KLHL23: variants seen among roughly 807,000 people sequenced by gnomAD.
KLHL23 encodes kelch like family member 23.
In KLHL23, 33 loss-of-function variants were observed where a neutral mutation model predicts 48.9. That is an observed-to-expected ratio of 0.67 (90% CI 0.51 to 0.90). The LOEUF is 0.90. KLHL23 is among the 40% of genes least tolerant of loss of function. KLHL23 has a pLI of 0.00. For missense variants in KLHL23, 608 were observed against 669.6 expected (o/e 0.91, Z 1.02); for synonymous variants, 234 against 231.6 (o/e 1.01, Z -0.09).
chr2:169,747,917 G>T lies in KLHL23; in HGVS notation c.1367-1505G>T, dbSNP rs909028977. Among the ~76,000 whole-genome samples the T allele has an allele frequency of 2.0e-5, 3 of 152,054 alleles. No individual in the cohort carries two copies. In the South Asian group the frequency reaches 6.2e-4, roughly 32 times the overall value. ...GCAGAGGAGGATCTCTTGAGGCCAG[G>T]AGTTGTAGACCAGCCTGGGCAACAA... On this transcript the variant is annotated intron_variant, in intron 3 of 3. Transcript: ENST00000392647.
In KLHL23 at chr2:169,733,956, G is replaced by C. The variant is rs1688446523; in HGVS notation, c.-134G>C. Reference sequence around the variant, plus strand: ...CGGGACACCAAAATAGGAGCTGCTTGTGGGGTGGAGCGGCACTAGCTGGCG... The same window carrying C: ...CGGGACACCAAAATAGGAGCTGCTTCTGGGGTGGAGCGGCACTAGCTGGCG... On this transcript the variant is annotated 5_prime_UTR_variant, in exon 1 of 4. Coordinates refer to ENST00000392647, the MANE Select transcript of KLHL23 (RefSeq NM_144711.6). The C allele has an allele frequency of 6.6e-6, 1 of 152,146 alleles. No homozygotes were observed. The highest frequency in any genetic ancestry group is 2.4e-5 in the African/African-American group (1 of 41,422). The allele number at this position is 152,146 out of a possible 1,614,324, so 9.4% of individuals were successfully genotyped here.
intron 3 of KLHL23, among the ~76,000 whole-genome samples, chr2:169,747,062 A>T (rs1237411834): frequency 6.6e-6 from 1 of 152,156 alleles, no homozygotes; most frequent in Non-Finnish European, 1.5e-5. Flanking sequence ...GCAAAAATGC[A>T]ATCTTCTAAG....
Position 169,733,897 on chromosome 2 carries a change from C to A in KLHL23, c.-193C>A, listed in dbSNP as rs901936571. The A allele has an allele frequency of 6.6e-6, 1 of 152,052 alleles. No individual in the cohort carries two copies. Among genetic ancestry groups the A allele is most frequent in the Non-Finnish European group, 1.5e-5 (1 of 68,062 alleles). The allele number at this position is 152,052 out of a possible 1,614,324, so 9.4% of individuals were successfully genotyped here. On this transcript the variant is annotated 5_prime_UTR_variant, in exon 1 of 4. Transcript: ENST00000392647. ...CGAGTGGCCTCGCGCCCAGACCGTG[C>A]GGGGGGCTGTTCGGGTGGAGGCGGG...
intron 3 of KLHL23, among the ~76,000 whole-genome samples, chr2:169,742,764 A>C (rs1458205896): frequency 6.6e-6 from 1 of 152,176 alleles, no homozygotes; most frequent in Non-Finnish European, 1.5e-5. Flanking sequence ...TCTCCCTCCT[A>C]GTAGCCCAAA....
chr2:169,735,702 A>G lies in KLHL23; in HGVS notation c.688A>G (p.Ile230Val), dbSNP rs997486618. Residue 230 changes from isoleucine to valine, a missense_variant, in exon 2 of 4, where the codon ATA (isoleucine) becomes GTA (valine). By Grantham distance (29) the Ile-to-Val change is conservative. Around this residue, in one of 3 missense-constraint regions of KLHL23, gnomAD observed 419 missense variants for 473.1 expected, o/e 0.89. Coordinates refer to ENST00000392647, the MANE Select transcript of KLHL23 (RefSeq NM_144711.6). The surrounding 1 kb of genome is among the most constrained non-coding windows in gnomAD (Gnocchi z 4.5). ...TCTACTGAGCTATATCAACATTGATATAGATCCAGTGTACTTAAAAACAGC... is the reference window on the plus strand; with the variant it reads ...TCTACTGAGCTATATCAACATTGATGTAGATCCAGTGTACTTAAAAACAGC... ...YNLLSYINID[I>V]DPVYLKTALG... is the part of the protein sequence containing the mutation. The G allele has an allele frequency of 1.1e-5, 17 of 1,614,044 alleles. No individual in the cohort carries two copies. The highest frequency in any genetic ancestry group is 1.4e-5 in the Non-Finnish European group (17 of 1,180,036).
At position 169,750,028 on chromosome 2, in the gene KLHL23, C is replaced by CATATATGTGTATATACGTATGTATACAT. The variant is rs10694896; in HGVS notation, c.*300_*301insATGTGTATATACGTATGTATACATATAT. On this transcript the variant is annotated 3_prime_UTR_variant, in exon 4 of 4. Transcript: ENST00000392647. Reference sequence around the variant, plus strand: ...GTGTATATATACGTATGTATGTATACATATGTGTATATATAGTATGTATGT... The same window carrying CATATATGTGTATATACGTATGTATACAT: ...GTGTATATATACGTATGTATGTATACATATATGTGTATATACGTATGTATACATATATGTGTATATATAGTATGTATGT... 1 of 15,916 alleles carries CATATATGTGTATATACGTATGTATACAT rather than the reference C, an allele frequency of 6.3e-5. No homozygotes were observed. The highest frequency in any genetic ancestry group is 1.8e-4 in the African/African-American group (1 of 5,598). The allele number at this position is 15,916 out of a possible 1,614,324, so 1.0% of individuals were successfully genotyped here.
intron 1 of KLHL23, 146 bp downstream of exon 1, chr2:169,734,233 G>A (rs1339969825): frequency 2.7e-5 from 4 of 147,632 alleles, no homozygotes; most frequent in South Asian, 3.7e-4. Flanking sequence ...ATGGCCGCGC[G>A]GGCGCCGGGC....
rs1255853074 is a variant in KLHL23 at position 169,750,096 on chromosome 2, G to GTGTATATATATGTGTGTA, written c.*370_*371insTATATGTGTGTATGTATA. ...TATACGTATGTATGTATACATATAT[G>GTGTATATATATGTGTGTA]TGTATACATATATATGTGTGTATAT... On this transcript the variant is annotated 3_prime_UTR_variant, in exon 4 of 4. Coordinates refer to ENST00000392647, the MANE Select transcript of KLHL23 (RefSeq NM_144711.6). The GTGTATATATATGTGTGTA allele has an allele frequency of 1.9e-5, 2 of 103,716 alleles. 1 individual carries two copies. The highest frequency in any genetic ancestry group is 6.9e-5 in the African/African-American group (2 of 29,010). The allele number at this position is 103,716 out of a possible 1,614,324, so 6.4% of individuals were successfully genotyped here. A position where few individuals can be genotyped will look rare whatever the true frequency, so the allele number is the denominator to read the frequency against.
chr2:169,741,822 T>A (rs1451965741), intron 3 of KLHL23, among the ~76,000 whole-genome samples: 3 of 152,226 alleles, frequency 2.0e-5, no homozygotes, highest in Non-Finnish European at 2.9e-5. Flanking sequence ...TTCCTTTATA[T>A]GCCATCTTTC....
chr2:169,747,169 AC>A (rs1162624852), intron 3 of KLHL23, among the ~76,000 whole-genome samples: 1 of 151,962 alleles, frequency 6.6e-6, no homozygotes, highest in Non-Finnish European at 1.5e-5. Context: ...CAAGACTAGC[AC>A]CTGGGCAACA....
At chr2:169,734,958 A>G (rs1260969814) in intron 1 of KLHL23, 55 bp from the exon 2 acceptor site, 41 of 1,502,174 alleles carry the variant, frequency 2.7e-5, no homozygotes, top group Admixed American at 1.2e-4. Flanking sequence ...AGCGTTGATT[A>G]TTTGAGAGAA....
intron 3 of KLHL23, among the ~76,000 whole-genome samples, chr2:169,745,811 C>T (rs1688783698): frequency 6.6e-6 from 1 of 152,030 alleles, no homozygotes; most frequent in South Asian, 2.1e-4. Context: ...GAGAAGCTGA[C>T]AGGAAGGGAG....
Position 169,735,560 on chromosome 2 carries a change from G to A in KLHL23, c.546G>A (p.Lys182=), listed in dbSNP as rs140768223. The change falls in exon 2 of 4, where the codon AAG becomes AAA. Residue 182 remains lysine (K), a synonymous_variant. Coordinates refer to ENST00000392647, the MANE Select transcript of KLHL23 (RefSeq NM_144711.6). The surrounding 1 kb of genome is among the most constrained non-coding windows in gnomAD (Gnocchi z 4.5). ...AATTTCTGGAAATCAGCCTTGAAAAGTTTCTCTTTATCTTGTCCAGAAAGA... is the reference window on the plus strand; with the variant it reads ...AATTTCTGGAAATCAGCCTTGAAAAATTTCTCTTTATCTTGTCCAGAAAGA... ...QEEFLEISLE[K]FLFILSRKNL... is the part of the protein sequence containing the mutation. 9 of 1,613,526 alleles carry A rather than the reference G, an allele frequency of 5.6e-6. No homozygotes were observed. The African/African-American group carries it at 1.2e-4, about 22-fold the overall frequency.
In KLHL23 at chr2:169,735,207, A is replaced by G. The variant is rs1476577829; in HGVS notation, c.193A>G (p.Met65Val). The G allele has an allele frequency of 1.2e-6, 2 of 1,608,378 alleles. No homozygotes were observed. Among genetic ancestry groups the G allele is most frequent in the Non-Finnish European group, 1.7e-6 (2 of 1,178,714 alleles). The change falls in exon 2 of 4, where the codon ATG (methionine) becomes GTG (valine). Residue 65 changes from methionine (M) to valine (V), a missense_variant. By Grantham distance (21) the Met-to-Val change is conservative. Coordinates refer to ENST00000392647, the MANE Select transcript of KLHL23 (RefSeq NM_144711.6). The surrounding 1 kb of genome is among the most constrained non-coding windows in gnomAD (Gnocchi z 4.5). Reference sequence around the variant, plus strand: ...TGCTTGCAGCAATTATTTTAAGGCAATGTTCACAGCTGACATGAAAGAAAA... The same window carrying G: ...TGCTTGCAGCAATTATTTTAAGGCAGTGTTCACAGCTGACATGAAAGAAAA... Reference protein sequence around the residue: ...LAACSNYFKAMFTADMKEKFK... With the variant: ...LAACSNYFKAVFTADMKEKFK...
At chr2:169,740,905 C>T (rs1225340992) in intron 2 of KLHL23, 1 of 151,992 alleles carries the variant, frequency 6.6e-6, no homozygotes, top group Non-Finnish European at 1.5e-5. Flanking sequence ...TCAGAGTCAT[C>T]AATATCACTG....
Position 169,733,888 on chromosome 2 carries a change from C to A in KLHL23, c.-202C>A, listed in dbSNP as rs555116862. On this transcript the variant is annotated 5_prime_UTR_variant, in exon 1 of 4. Coordinates refer to ENST00000392647, the MANE Select transcript of KLHL23 (RefSeq NM_144711.6). ...GAGTTCCCGCGAGTGGCCTCGCGCC[C>A]AGACCGTGCGGGGGGCTGTTCGGGT... The A allele has an allele frequency of 6.6e-6, 1 of 152,236 alleles. No individual in the cohort carries two copies. Among genetic ancestry groups the A allele is most frequent in the African/African-American group, 2.4e-5 (1 of 41,422 alleles). The allele number at this position is 152,236 out of a possible 1,614,324, so 9.4% of individuals were successfully genotyped here.
At position 169,750,172 on chromosome 2, in the gene KLHL23, G is replaced by A. The variant is rs1225045355; in HGVS notation, c.*440G>A. 2.6e-5 allele frequency: 4 copies of A among 152,540 alleles called. No homozygotes were observed. Among genetic ancestry groups the A allele is most frequent in the Admixed American group, 6.6e-5 (1 of 15,116 alleles). 9.4% of individuals were successfully genotyped at this position (152,540 alleles called of 1,614,324 possible). A position where few individuals can be genotyped will look rare whatever the true frequency, so the allele number is the denominator to read the frequency against. ...TGTATATATATACACAGTTGAATCA[G>A]TGGGATTAATACCTATAATCTCTGG... is the stretch of plus-strand genomic sequence containing the variant. On this transcript the variant is annotated 3_prime_UTR_variant, in exon 4 of 4. Transcript: ENST00000392647.
In KLHL23 at chr2:169,735,836, A is replaced by G. The variant is rs773283682; in HGVS notation, c.822A>G (p.Thr274=). Residue 274 remains threonine (T), a synonymous_variant, in exon 2 of 4, where the codon ACA becomes ACG. Coordinates refer to ENST00000392647, the MANE Select transcript of KLHL23 (RefSeq NM_144711.6). This position sits in a 1 kb window ranked among gnomAD's most constrained non-coding sequence, Gnocchi z 4.5. ...HKEISQRSTA[T]MYIIGGYYWH... ...AGATTTCCCAGAGGTCCACAGCCAC[A>G]ATGTATATAATTGGAGGCTATTACT... 7 of 1,614,148 alleles carry G rather than the reference A, an allele frequency of 4.3e-6. No homozygotes were observed. Among genetic ancestry groups the G allele is most frequent in the Middle Eastern group, 1.6e-4 (1 of 6,062 alleles).
In KLHL23 at chr2:169,751,074, C is replaced by G. The variant is rs773273308; in HGVS notation, c.*1342C>G. 6 of 152,236 alleles carry G rather than the reference C, an allele frequency of 3.9e-5. No homozygotes were observed. Among genetic ancestry groups the G allele is most frequent in the Non-Finnish European group, 8.8e-5 (6 of 68,064 alleles). 9.4% of individuals were successfully genotyped at this position (152,236 alleles called of 1,614,324 possible). On this transcript the variant is annotated 3_prime_UTR_variant, in exon 4 of 4. Transcript: ENST00000392647. Reference sequence around the variant, plus strand: ...ACTGGCACTGCAAATCACAGACAGGCCTAGATACAGATCCCCTCACCCCTT... The same window carrying G: ...ACTGGCACTGCAAATCACAGACAGGGCTAGATACAGATCCCCTCACCCCTT...
Sources: gnomAD v4.1 joint callset for allele counts (sites outside exome capture counted in the v4.1 genomes callset) on GRCh38, gnomAD v4.1.1 for gene constraint, gnomAD v4.1.1 regional missense constraint, Gnocchi (gnomAD v3.1) non-coding constraint, MANE v1.5 for transcripts, NCBI Gene and HGNC (gene_info 2026-07-23, HGNC 2026-07-21) for gene names.